PRKDC: variants seen among roughly 807,000 people sequenced by gnomAD.
The protein encoded by PRKDC is protein kinase, DNA-activated, catalytic subunit.
PRKDC carries 82 observed loss-of-function variants against 486.9 expected under a neutral mutation model. The observed-to-expected ratio is 0.17, with a 90% confidence interval of 0.14 to 0.20. PRKDC has a LOEUF of 0.20. Among genes scored for constraint, PRKDC ranks in the 10% least tolerant of loss-of-function variants. The pLI, the probability that PRKDC is intolerant of heterozygous loss-of-function variation, is 1.00. For missense variants in PRKDC, 4,504 were observed against 5,038.2 expected, an observed-to-expected ratio of 0.89 and a Z score of 3.21; for synonymous variants, 1,895 against 1,837.0, an observed-to-expected ratio of 1.03 and a Z score of -0.81.
intron 76 of PRKDC, among the ~76,000 whole-genome samples, 192 bp from the exon 77 acceptor site, chr8:47,785,509 G>A (rs1238659123): frequency 6.6e-6 from 1 of 152,046 alleles, no homozygotes; most frequent in Non-Finnish European, 1.5e-5. Context: ...CAAGATAGTA[G>A]GATTACTTGA....
In PRKDC at chr8:47,783,744, G is replaced by A. The variant is rs765739495; in HGVS notation, c.11173C>T (p.Arg3725Trp). 9 of 1,613,646 alleles carry A rather than the reference G, an allele frequency of 5.6e-6. No homozygotes were observed. In the Admixed American group the frequency reaches 6.7e-5, roughly 12 times the overall value. Residue 3725 changes from arginine (R) to tryptophan (W), a missense_variant and splice_region_variant, in exon 78 of 86, where the codon CGG becomes TGG. By Grantham distance (101) the Arg-to-Trp change is moderately radical. Around this residue, in one of 6 missense-constraint regions of PRKDC, gnomAD observed 706 missense variants for 945.0 expected, o/e 0.75. Coordinates refer to ENST00000314191, the MANE Select transcript of PRKDC (RefSeq NM_006904.7). ...GGGTCACACACCCTCACACCTACCC[G>A]CTCATCAAACCCGGCGATTCGCACG... is the stretch of plus-strand genomic sequence containing the variant. ...YHVRIAGFDE[R>W]VTVMASLRRP... is the part of the protein sequence containing the mutation.
chr8:47,904,629 T>C (rs969709858), intron 26 of PRKDC, among the ~76,000 whole-genome samples: 1 of 152,116 alleles, frequency 6.6e-6, no homozygotes, highest in Non-Finnish European at 1.5e-5. Flanking sequence ...CTGTCTCTGA[T>C]TGAAATACAA....
At chr8:47,863,726 A>G in intron 41 of PRKDC, 149 bp from the exon 42 acceptor site, 1 of 645,960 alleles carries the variant, frequency 1.5e-6, no homozygotes, top group Non-Finnish European at 2.5e-6. Flanking sequence ...GAAAGCATGC[A>G]ATTGTCCAGG....
intron 30 of PRKDC, among the ~76,000 whole-genome samples, chr8:47,896,646 C>CAA (rs142849899): frequency 5.1e-4 from 27 of 52,826 alleles, no homozygotes; most frequent in African/African-American, 7.4e-4. Context: ...GACTCCGTCT[C>CAA]AAAAAAAAAA....
rs753027545 is a variant in PRKDC, at chr8:47,803,510, T to TTAC, written c.9748-31_9748-30insGTA. 58 of 1,607,820 alleles carry TTAC rather than the reference T, an allele frequency of 3.6e-5. No homozygotes were observed. In the Middle Eastern group the frequency reaches 5.1e-4, roughly 14 times the overall value. ...ATGAATACAATAAAAAGAGAGAAGGTGGTATGATGATACACAAGTGACAGA... is the reference window on the plus strand; with the variant it reads ...ATGAATACAATAAAAAGAGAGAAGGTTACGGTATGATGATACACAAGTGACAGA... On this transcript the variant is annotated intron_variant, in intron 69 of 85. Transcript: ENST00000314191.
intron 54 of PRKDC, among the ~76,000 whole-genome samples, chr8:47,844,677 C>T (rs927736401): frequency 6.6e-6 from 1 of 152,112 alleles, no homozygotes; most frequent in Non-Finnish European, 1.5e-5. Context: ...AATTCAAAAT[C>T]ATACCAAGCA....
rs772980444 is a variant in PRKDC, at chr8:47,912,499, G to A, written c.2845C>T (p.Pro949Ser). Residue 949 changes from proline to serine, a missense_variant, in exon 25 of 86, where the codon CCA (proline) becomes TCA (serine). This residue lies in a region of PRKDC where 1,969 missense variants were observed against 2,068.9 expected (regional missense o/e 0.95). Coordinates refer to ENST00000314191, the MANE Select transcript of PRKDC (RefSeq NM_006904.7). The stretch of plus-strand genomic sequence containing the variant: ...GGTGGGGCTCCCTGTCCCCCTTCTG[G>A]CATCTGCGTGGCTTTGCCCAACATA... ...MFMLGKATQMPEGGQGAPPMY... is the reference protein window; with the variant it reads ...MFMLGKATQMSEGGQGAPPMY... The A allele has an allele frequency of 1.9e-6, 3 of 1,612,622 alleles. No homozygotes were observed. Among genetic ancestry groups the A allele is most frequent in the South Asian group, 2.2e-5 (2 of 90,842 alleles).
chr8:47,953,917 A>G lies in PRKDC; in HGVS notation c.511T>C (p.Leu171=). 6.6e-7 allele frequency: 1 copy of G among 1,519,370 alleles called. No homozygotes were observed. Among genetic ancestry groups the G allele is most frequent in the Middle Eastern group, 1.7e-4 (1 of 5,838 alleles). 94.1% of individuals were successfully genotyped at this position (1,519,370 alleles called of 1,614,324 possible). ...CCTAGGAGCTCATATACTTTTTCTA[A>G]AACTGAAAAGAAAATTTTAGACAAG... ...ALKKKIPDTV[L]EKVYELLGLL... is the part of the protein sequence containing the mutation. Residue 171 remains leucine, a splice_region_variant and synonymous_variant, in exon 6 of 86, where the codon TTA becomes CTA. Transcript: ENST00000314191.
intron 40 of PRKDC, among the ~76,000 whole-genome samples, chr8:47,866,609 T>C (rs1420433896): frequency 6.6e-6 from 1 of 152,114 alleles, no homozygotes; most frequent in African/African-American, 2.4e-5. Flanking sequence ...ACTTTACTCA[T>C]AATAAAAGAA....
At chr8:47,855,118 C>T in intron 50 of PRKDC, 104 bp downstream of exon 50, 1 of 1,159,348 alleles carries the variant, frequency 8.6e-7, no homozygotes, top group Non-Finnish European at 1.2e-6. Flanking sequence ...TATTTTCTTC[C>T]TCCTATCATT....
Position 47,893,407 on chromosome 8 carries a change from T to A in PRKDC, c.3599-20A>T. 11 of 1,484,406 alleles carry A rather than the reference T, an allele frequency of 7.4e-6. No individual in the cohort carries two copies. The highest frequency in any genetic ancestry group is 2.8e-5 in the African/African-American group (2 of 71,278). The allele number at this position is 1,484,406 out of a possible 1,614,324, so 92.0% of individuals were successfully genotyped here. A position where few individuals can be genotyped will look rare whatever the true frequency, so the allele number is the denominator to read the frequency against. ...TGTTGCCTTTAAAAAGAAACAAAAT[T>A]AAAATGCACACATATACCTACATTT... On this transcript the variant is annotated intron_variant, in intron 30 of 85. Transcript: ENST00000314191.
chr8:47,858,135 A>G (rs2088586212), intron 48 of PRKDC, among the ~76,000 whole-genome samples: 1 of 152,086 alleles, frequency 6.6e-6, no homozygotes, highest in African/African-American at 2.4e-5. Flanking sequence ...CAATTGCCTA[A>G]GAGTCCGCTG....
At chr8:47,911,657 T>C (rs531155898) in intron 25 of PRKDC, among the ~76,000 whole-genome samples, 9 of 152,344 alleles carry the variant, frequency 5.9e-5, no homozygotes, top group Non-Finnish European at 8.8e-5. Flanking sequence ...GCTAGATTCA[T>C]AAAATGAACT....
At chr8:47,891,510 G>T (rs558630737) in intron 31 of PRKDC, among the ~76,000 whole-genome samples, 1 of 152,094 alleles carries the variant, frequency 6.6e-6, no homozygotes, top group Non-Finnish European at 1.5e-5. Flanking sequence ...CACGAGGTCA[G>T]GAGATCGAGA....
intron 21 of PRKDC, among the ~76,000 whole-genome samples, chr8:47,919,188 T>C (rs895147370): frequency 6.6e-6 from 1 of 152,200 alleles, no homozygotes; most frequent in African/African-American, 2.4e-5. Flanking sequence ...CCTAAGAATG[T>C]TTTTAATTCA....
intron 21 of PRKDC, among the ~76,000 whole-genome samples, chr8:47,921,410 GGACT>G (rs1217044922): frequency 6.6e-6 from 1 of 152,112 alleles, no homozygotes; most frequent in South Asian, 2.1e-4. Flanking sequence ...TTGCAACCTT[GGACT>G]GACTGAGTTA....
At chr8:47,939,350 C>T (rs892546930) in intron 11 of PRKDC, among the ~76,000 whole-genome samples, 6 of 152,218 alleles carry the variant, frequency 3.9e-5, no homozygotes, top group Non-Finnish European at 5.9e-5. Context: ...ATAAGTTTCA[C>T]ATCCAGCACA....
intron 35 of PRKDC, among the ~76,000 whole-genome samples, chr8:47,886,632 T>C (rs144913708): frequency 6.6e-6 from 1 of 152,226 alleles, no homozygotes; most frequent in African/African-American, 2.4e-5. Flanking sequence ...CCTCAAGCAA[T>C]TCACCCGCCT....
chr8:47,818,638 C>A (rs1288636198), intron 67 of PRKDC, among the ~76,000 whole-genome samples: 1 of 149,906 alleles, frequency 6.7e-6, no homozygotes, highest in South Asian at 2.1e-4. Context: ...TAACATAGCT[C>A]CTGAAAGTAG....
Sources: allele counts gnomAD v4.1 joint callset (sites outside exome capture counted in the v4.1 genomes callset), GRCh38; gene constraint gnomAD v4.1.1; regional missense constraint gnomAD v4.1.1; transcripts MANE v1.5; gene names NCBI Gene and HGNC (gene_info 2026-07-23, HGNC 2026-07-21).